MARCHF1: variants seen among roughly 807,000 people sequenced by gnomAD.
MARCHF1 encodes the protein E3 ubiquitin-protein ligase MARCHF1.
Under a neutral mutation model 54.2 loss-of-function variants are expected in MARCHF1, and 40 were observed. That is an observed-to-expected ratio of 0.74 (90% confidence interval 0.57 to 0.96). The LOEUF (loss-of-function observed/expected upper bound fraction) is 0.96. Among genes scored for constraint, MARCHF1 ranks in the 40% least tolerant of loss-of-function variants. The pLI is 0.00. For missense variants in MARCHF1, 586 were observed against 656.5 expected (o/e 0.89, Z 1.17); for synonymous variants, 236 against 236.3 (o/e 1.00, Z 0.01).
intron 4 of MARCHF1, among the ~76,000 whole-genome samples, chr4:163,763,091 G>A (rs1746874488): frequency 6.6e-6 from 1 of 152,012 alleles, no homozygotes; most frequent in Admixed American, 6.6e-5. Flanking sequence ...AGACTTTATA[G>A]TTCCTATTTC....
At chr4:163,991,740 T>C (rs552083705) in intron 2 of MARCHF1, among the ~76,000 whole-genome samples, 9 of 152,304 alleles carry the variant, frequency 5.9e-5, no homozygotes, top group African/African-American at 1.9e-4. Flanking sequence ...GGACTATAAT[T>C]ACTGTTGAAA....
At chr4:164,269,234 G>T (rs914004001) in intron 1 of MARCHF1, among the ~76,000 whole-genome samples, 4 of 152,084 alleles carry the variant, frequency 2.6e-5, no homozygotes, top group African/African-American at 9.7e-5. Context: ...AAACTCACAA[G>T]AAATTTCTGC....
intron 4 of MARCHF1, among the ~76,000 whole-genome samples, chr4:163,748,812 T>C (rs543409606): frequency 1.2e-4 from 19 of 152,308 alleles, no homozygotes; most frequent in African/African-American, 4.6e-4. Context: ...CCCCCGCCCA[T>C]TGACACATAT....
At chr4:163,552,802 G>C (rs1042504564) in intron 8 of MARCHF1, among the ~76,000 whole-genome samples, 2 of 152,054 alleles carry the variant, frequency 1.3e-5, no homozygotes. Flanking sequence ...GGGAGGCCCA[G>C]GTGGGCAGAT....
chr4:164,230,051 C>A (rs933323491), intron 1 of MARCHF1, among the ~76,000 whole-genome samples: 2 of 152,092 alleles, frequency 1.3e-5, no homozygotes, highest in Non-Finnish European at 2.9e-5. Flanking sequence ...GTAGCTGGGA[C>A]TACAGGTGTG....
At chr4:163,627,293 T>C (rs1741905910) in intron 5 of MARCHF1, among the ~76,000 whole-genome samples, 1 of 152,218 alleles carries the variant, frequency 6.6e-6, no homozygotes, top group Non-Finnish European at 1.5e-5. Context: ...TAGTATTTTA[T>C]TGAAGTCAGT....
chr4:163,941,542 T>C (rs1451358966), intron 3 of MARCHF1, among the ~76,000 whole-genome samples: 1 of 152,134 alleles, frequency 6.6e-6, no homozygotes, highest in Admixed American at 6.5e-5. Context: ...ATCCTTGCCT[T>C]GCTGTTTACT....
intron 3 of MARCHF1, among the ~76,000 whole-genome samples, chr4:163,867,897 C>T (rs1235302688): frequency 6.8e-6 from 1 of 146,894 alleles, no homozygotes; most frequent in Admixed American, 7.0e-5. Flanking sequence ...TTATTTCTCT[C>T]CCTGCCTCAT....
At chr4:163,784,708 T>C (rs1311338024) in intron 4 of MARCHF1, among the ~76,000 whole-genome samples, 4 of 152,144 alleles carry the variant, frequency 2.6e-5, no homozygotes, top group African/African-American at 4.8e-5. Context: ...TGACATTTCA[T>C]AGGAACTGCT....
chr4:164,222,540 G>A (rs1032140766), intron 1 of MARCHF1, among the ~76,000 whole-genome samples: 2 of 151,716 alleles, frequency 1.3e-5, no homozygotes, highest in African/African-American at 4.8e-5. Flanking sequence ...ACATCATTTT[G>A]CCCTATGTTT....
chr4:163,953,163 T>C (rs1752166395), intron 3 of MARCHF1, among the ~76,000 whole-genome samples: 2 of 152,132 alleles, frequency 1.3e-5, no homozygotes, highest in African/African-American at 2.4e-5. Flanking sequence ...TCCAAACAAA[T>C]ATTGCATTAT....
intron 2 of MARCHF1, among the ~76,000 whole-genome samples, chr4:163,995,599 C>T (rs1398988245): frequency 1.3e-5 from 2 of 151,998 alleles, no homozygotes; most frequent in African/African-American, 4.8e-5. Context: ...TTTGGCAATT[C>T]TAAGGATTTT....
chr4:163,767,771 T>C (rs1367659941), intron 4 of MARCHF1, among the ~76,000 whole-genome samples: 1 of 152,230 alleles, frequency 6.6e-6, no homozygotes, highest in East Asian at 1.9e-4. Context: ...TTTGCTTTAC[T>C]TCTTTTATTG....
intron 2 of MARCHF1, among the ~76,000 whole-genome samples, chr4:164,079,794 C>T (rs1264161986): frequency 6.6e-6 from 1 of 152,068 alleles, no homozygotes; most frequent in Non-Finnish European, 1.5e-5. Context: ...TCACAACACA[C>T]ATTCTAAAAG....
chr4:163,640,257 T>G (rs1005205273), intron 5 of MARCHF1, among the ~76,000 whole-genome samples: 3 of 152,138 alleles, frequency 2.0e-5, no homozygotes, highest in Non-Finnish European at 4.4e-5. Flanking sequence ...ACTCTATAAA[T>G]ACTGTGTCTC....
intron 2 of MARCHF1, among the ~76,000 whole-genome samples, chr4:164,056,647 C>T (rs1754496726): frequency 6.6e-6 from 1 of 152,110 alleles, no homozygotes; most frequent in Non-Finnish European, 1.5e-5. Context: ...CATTCCCAGG[C>T]CTGGCTTTAG....
intron 4 of MARCHF1, among the ~76,000 whole-genome samples, chr4:163,779,024 C>T (rs573456247): frequency 1.6e-4 from 24 of 152,270 alleles, no homozygotes; most frequent in Admixed American, 8.5e-4. Flanking sequence ...TGCAGCATTT[C>T]CATAAATTTT....
At chr4:163,664,630 A>G (rs538885070) in intron 5 of MARCHF1, among the ~76,000 whole-genome samples, 1 of 152,238 alleles carries the variant, frequency 6.6e-6, no homozygotes, top group East Asian at 1.9e-4. Flanking sequence ...AACATGCTAG[A>G]ATAAAGACAT....
intron 4 of MARCHF1, among the ~76,000 whole-genome samples, chr4:163,845,441 A>G (rs1219707052): frequency 6.9e-6 from 1 of 144,648 alleles, no homozygotes; most frequent in Non-Finnish European, 1.5e-5. Context: ...GTGAATGGGG[A>G]GAGACAATGC....
Sources: gnomAD v4.1 joint callset for allele counts (sites outside exome capture counted in the v4.1 genomes callset) on GRCh38, gnomAD v4.1.1 for gene constraint, MANE v1.5 for transcripts, NCBI Gene and HGNC (gene_info 2026-07-23, HGNC 2026-07-21) for gene names.